CNTN4: variants seen among roughly 807,000 people sequenced by gnomAD.
CNTN4 encodes the protein contactin-4.
Under a neutral mutation model 122.5 loss-of-function variants are expected in CNTN4, and 77 were observed. The ratio of observed to expected loss-of-function variants is 0.63; its 90% confidence interval spans 0.52 to 0.76. The LOEUF (loss-of-function observed/expected upper bound fraction) is 0.76. Ranked by LOEUF, CNTN4 falls within the 30% of genes least tolerant of loss-of-function variation. The pLI, the probability that CNTN4 is intolerant of heterozygous loss-of-function variation, is 0.00. For synonymous variants in CNTN4, 512 were observed against 447.0 expected (o/e 1.15, Z -1.83); for missense variants, 1,256 against 1,259.1 (o/e 1.00, Z 0.04).
chr3:2,269,617 T>C (rs2149804729), intron 2 of CNTN4, among the ~76,000 whole-genome samples: 1 of 152,240 alleles, frequency 6.6e-6, no homozygotes, highest in Middle Eastern at 3.4e-3. Context: ...TGGGAGACCA[T>C]GATACAATGA....
chr3:2,754,017 T>C (rs952000009), intron 6 of CNTN4, among the ~76,000 whole-genome samples: 1 of 152,230 alleles, frequency 6.6e-6, no homozygotes, highest in African/African-American at 2.4e-5. Context: ...GCATTTTGAA[T>C]ATTGATATTT....
intron 11 of CNTN4, 103 bp downstream of exon 11, chr3:2,900,924 A>G: frequency 7.1e-7 from 1 of 1,417,124 alleles, no homozygotes; most frequent in South Asian, 1.2e-5. Flanking sequence ...CTAAAATAAT[A>G]TGCAATGAAA....
At chr3:2,829,061 G>A (rs115953883) in intron 7 of CNTN4, among the ~76,000 whole-genome samples, 1,730 of 152,222 alleles carry the variant, frequency 0.011, 49 homozygotes, top group African/African-American at 0.039. Context: ...TTCTTAAGGC[G>A]ATCTTGTCTG....
At chr3:2,937,279 G>C (rs1659817390) in intron 13 of CNTN4, among the ~76,000 whole-genome samples, 1 of 152,302 alleles carries the variant, frequency 6.6e-6, no homozygotes, top group South Asian at 2.1e-4. Context: ...CTCTAGAGCA[G>C]TACCTCCCAA....
At chr3:2,480,038 A>G (rs1041932833) in intron 3 of CNTN4, among the ~76,000 whole-genome samples, 45 of 152,292 alleles carry the variant, frequency 3.0e-4, no homozygotes, top group African/African-American at 1.1e-3. Flanking sequence ...ATATCACTAG[A>G]TGCAGAAAAG....
intron 3 of CNTN4, among the ~76,000 whole-genome samples, chr3:2,439,180 C>T (rs188095001): frequency 8.5e-5 from 13 of 152,288 alleles, no homozygotes; most frequent in African/African-American, 1.7e-4. Context: ...AGCATTAGGA[C>T]ATTAGATGTT....
chr3:2,467,162 T>A (rs1344364292), intron 3 of CNTN4, among the ~76,000 whole-genome samples: 5 of 141,340 alleles, frequency 3.5e-5, no homozygotes, highest in Non-Finnish European at 7.6e-5. Flanking sequence ...AGAAGAGAAA[T>A]CCTGGTCAGG....
In CNTN4 at chr3:2,790,199, T is replaced by C. The variant is rs530740469; in HGVS notation, c.359-29287T>C. 5.9e-5 allele frequency among the ~76,000 whole-genome samples: 9 copies of C among 152,292 alleles called. No homozygotes were observed. In the East Asian group the frequency reaches 1.7e-3, roughly 29 times the overall value. On this transcript the variant is annotated intron_variant, in intron 6 of 24. Transcript: ENST00000418658. ...GTGAAGTTAGAATTCAAACCTGAGT[T>C]TGTTAGATTTTCATCTTCTGAGTGC...
chr3:2,755,567 A>G (rs767934935), intron 6 of CNTN4, among the ~76,000 whole-genome samples: 3 of 152,310 alleles, frequency 2.0e-5, no homozygotes, highest in East Asian at 3.9e-4. Context: ...ATGGGTGTCT[A>G]TTGAAAATTT....
At chr3:2,378,411 G>C (rs13092590) in intron 3 of CNTN4, among the ~76,000 whole-genome samples, 41,866 of 152,102 alleles carry the variant, frequency 0.28, 6,601 homozygotes, top group Admixed American at 0.41. Flanking sequence ...CTGGTTAGAA[G>C]TCAGTCCCAT....
Position 2,745,609 on chromosome 3 carries a change from T to A in CNTN4, c.270T>A (p.Asn90Lys). The change falls in exon 6 of 25, where the codon AAT (asparagine) becomes AAA (lysine). Residue 90 changes from asparagine (N) to lysine (K), a missense_variant. By Grantham distance (94) the Asn-to-Lys change is moderately conservative (BLOSUM62 0). Transcript: ENST00000418658. ...VEGSLLINNP[N>K]KTQDAGTYQC... is the part of the protein sequence containing the mutation. Reference sequence around the variant, plus strand: ...GGAGCTTGTTGATCAATAACCCCAATAAAACCCAAGATGCTGGAACGTACC... The same window carrying A: ...GGAGCTTGTTGATCAATAACCCCAAAAAAACCCAAGATGCTGGAACGTACC... 1 of 1,614,118 alleles carries A rather than the reference T, an allele frequency of 6.2e-7. No individual in the cohort carries two copies. The highest frequency in any genetic ancestry group is 2.2e-5 in the East Asian group (1 of 44,874).
intron 5 of CNTN4, among the ~76,000 whole-genome samples, chr3:2,736,793 T>C (rs1051576038): frequency 4.6e-5 from 7 of 151,374 alleles, no homozygotes; most frequent in East Asian, 2.0e-4. Context: ...TTTATTTATT[T>C]ATTTATTTAT....
intron 2 of CNTN4, among the ~76,000 whole-genome samples, chr3:2,149,635 A>C (rs1254695666): frequency 6.6e-6 from 1 of 152,166 alleles, no homozygotes. Flanking sequence ...GGTCATGTCT[A>C]ATTTTTTAAT....
At chr3:2,959,891 A>T (rs1468374036) in intron 13 of CNTN4, among the ~76,000 whole-genome samples, 3 of 152,208 alleles carry the variant, frequency 2.0e-5, no homozygotes, top group Non-Finnish European at 2.9e-5. Flanking sequence ...TGTTGGTACA[A>T]CTTCAATGAA....
At chr3:2,729,793 A>T (rs917886991) in intron 4 of CNTN4, among the ~76,000 whole-genome samples, 6 of 151,182 alleles carry the variant, frequency 4.0e-5, no homozygotes, top group Admixed American at 1.3e-4. Flanking sequence ...ACGCGCCTGT[A>T]ATACCAGCTA....
At chr3:2,827,705 C>G (rs986598074) in intron 7 of CNTN4, among the ~76,000 whole-genome samples, 3 of 152,186 alleles carry the variant, frequency 2.0e-5, no homozygotes. Flanking sequence ...CAATAGTCTT[C>G]TCATAAGCCA....
chr3:2,743,734 A>C (rs571631728), intron 5 of CNTN4, among the ~76,000 whole-genome samples: 1 of 152,368 alleles, frequency 6.6e-6, no homozygotes, highest in South Asian at 2.1e-4. Context: ...AATTATCTAC[A>C]GTAAAAGCAG....
chr3:2,293,156 C>G (rs1336620491), intron 2 of CNTN4, among the ~76,000 whole-genome samples: 1 of 152,136 alleles, frequency 6.6e-6, no homozygotes, highest in Non-Finnish European at 1.5e-5. Flanking sequence ...TTGCAGATAC[C>G]TAATTTTAAG....
At chr3:2,489,813 C>T (rs2076263878) in intron 3 of CNTN4, among the ~76,000 whole-genome samples, 1 of 152,150 alleles carries the variant, frequency 6.6e-6, no homozygotes, top group African/African-American at 2.4e-5. Flanking sequence ...TACTTTCCTC[C>T]CTTCCAACAT....
Sources: allele counts gnomAD v4.1 joint callset (sites outside exome capture counted in the v4.1 genomes callset), GRCh38; gene constraint gnomAD v4.1.1; transcripts MANE v1.5; gene names NCBI Gene and HGNC (gene_info 2026-07-23, HGNC 2026-07-21).